The following RFX2 variants were observed in gnomAD, a reference collection of about 807,000 sequenced individuals.
RFX2 encodes the protein DNA-binding protein RFX2.
RFX2 carries 20 observed loss-of-function variants against 87.8 expected under a neutral mutation model. The observed-to-expected ratio is 0.23, with a 90% CI of 0.16 to 0.33. RFX2 has a LOEUF of 0.33. Ranked by LOEUF, RFX2 falls within the 10% of genes least tolerant of loss-of-function variation. RFX2 has a pLI of 1.00. For synonymous variants in RFX2, 397 were observed against 431.3 expected (o/e 0.92, Z 0.98); for missense variants, 767 against 1,012.3 (o/e 0.76, Z 3.29).
Position 6,012,922 on chromosome 19 carries a change from G to T in RFX2, c.899+64C>A. ...TATGATGAGTTTGTTTCGTGTTGGA[G>T]AAACACCCACCCCTCCATGCTCCAG... On this transcript the variant is annotated intron_variant, in intron 8 of 17. Transcript: ENST00000303657. The surrounding 1 kb of genome is among the most constrained non-coding windows in gnomAD (Gnocchi z 4.6). 7.2e-7 allele frequency: 1 copy of T among 1,389,596 alleles called. No homozygotes were observed. The highest frequency in any genetic ancestry group is 2.7e-5 in the East Asian group (1 of 37,570). 86.1% of individuals were successfully genotyped at this position (1,389,596 alleles called of 1,614,324 possible).
At position 6,061,091 on chromosome 19, in the gene RFX2, C is replaced by G. The variant is rs1431706394; in HGVS notation, c.-8-13587G>C. Among the ~76,000 whole-genome samples the G allele has an allele frequency of 6.6e-6, 1 of 152,174 alleles. No individual in the cohort carries two copies. The highest frequency in any genetic ancestry group is 1.5e-5 in the Non-Finnish European group (1 of 68,028). On this transcript the variant is annotated intron_variant, in intron 1 of 17. Coordinates refer to ENST00000303657, the MANE Select transcript of RFX2 (RefSeq NM_000635.4). This position sits in a 1 kb window ranked among gnomAD's most constrained non-coding sequence, Gnocchi z 5.2. ...GCCCCGGGACACGTGTCGCTGGTGACTCAGCCTGCTGTCTCCACCTGATAC... is the reference window on the plus strand; with the variant it reads ...GCCCCGGGACACGTGTCGCTGGTGAGTCAGCCTGCTGTCTCCACCTGATAC...
rs1483897437 is a variant in RFX2, at chr19:6,041,714, C to T, written c.260+330G>A. On this transcript the variant is annotated intron_variant, in intron 4 of 17. Coordinates refer to ENST00000303657, the MANE Select transcript of RFX2 (RefSeq NM_000635.4). ...TGATGTCCTAATCCCTCAGCTCCCA[C>T]CCCGCTCCTTTTTTTTTTGGACAGG... Among the ~76,000 whole-genome samples the T allele has an allele frequency of 4.0e-5, 6 of 151,722 alleles. No individual in the cohort carries two copies. In the South Asian group the frequency reaches 6.3e-4, roughly 16 times the overall value.
chr19:6,091,378 G>A (rs1599925889), intron 1 of RFX2, among the ~76,000 whole-genome samples: 2 of 151,702 alleles, frequency 1.3e-5, no homozygotes, highest in South Asian at 2.1e-4. Flanking sequence ...AGCCCAGAAG[G>A]TGGAGGCTGC....
At chr19:6,003,169 CTGT>C (rs1433651855) in intron 13 of RFX2, among the ~76,000 whole-genome samples, 2 of 152,150 alleles carry the variant, frequency 1.3e-5, no homozygotes, top group Admixed American at 6.5e-5. Context: ...TCTGGAGGGG[CTGT>C]TGAGACCACA....
intron 1 of RFX2, among the ~76,000 whole-genome samples, chr19:6,076,064 G>C (rs977525447): frequency 2.0e-5 from 3 of 152,196 alleles, no homozygotes; most frequent in Non-Finnish European, 4.4e-5. Context: ...GAGGTTGGGG[G>C]CGGTGGCTCA....
chr19:5,993,758 G>A lies in RFX2; in HGVS notation c.*1077C>T, dbSNP rs948187464. 6.6e-6 allele frequency: 1 copy of A among 151,700 alleles called. No homozygotes were observed. Among genetic ancestry groups the A allele is most frequent in the African/African-American group, 2.4e-5 (1 of 41,418 alleles). The allele number at this position is 151,700 out of a possible 1,614,324, so 9.4% of individuals were successfully genotyped here. A position where few individuals can be genotyped will look rare whatever the true frequency, so the allele number is the denominator to read the frequency against. ...CTTGGTGTCTCAAGTTCAGGGCTTC[G>A]AAAGTCCCGAATATTTGTTTGTCCC... On this transcript the variant is annotated 3_prime_UTR_variant, in exon 18 of 18. Transcript: ENST00000303657.
chr19:6,106,230 CCCATCCATCCATCCATCCAT>C lies in RFX2; in HGVS notation c.-9+4143_-9+4162del, dbSNP rs56665747. On this transcript the variant is annotated intron_variant, in intron 1 of 17. Coordinates refer to ENST00000303657, the MANE Select transcript of RFX2 (RefSeq NM_000635.4). ...TCCCAGTGTATATTCCATCGGCCTG[CCCATCCATCCATCCATCCAT>C]CCATCCATCCATCCATCCAACAAAA... 7.1e-3 allele frequency among the ~76,000 whole-genome samples: 1,072 copies of C among 150,068 alleles called. 18 individuals carry two copies. The highest frequency in any genetic ancestry group is 0.025 in the African/African-American group (1,006 of 40,386).
At position 6,012,892 on chromosome 19, in the gene RFX2, G is replaced by A; in HGVS notation, c.899+94C>T. 8.0e-7 allele frequency: 1 copy of A among 1,244,960 alleles called. No individual in the cohort carries two copies. Among genetic ancestry groups the A allele is most frequent in the Non-Finnish European group, 1.0e-6 (1 of 955,080 alleles). 77.1% of individuals were successfully genotyped at this position (1,244,960 alleles called of 1,614,324 possible). A position where few individuals can be genotyped will look rare whatever the true frequency, so the allele number is the denominator to read the frequency against. On this transcript the variant is annotated intron_variant, in intron 8 of 17. Coordinates refer to ENST00000303657, the MANE Select transcript of RFX2 (RefSeq NM_000635.4). This position sits in a 1 kb window ranked among gnomAD's most constrained non-coding sequence, Gnocchi z 4.6. ...GCTTTCCCAGGATGCTGGAGACTGGGGAGTTATGATGAGTTTGTTTCGTGT... is the reference window on the plus strand; with the variant it reads ...GCTTTCCCAGGATGCTGGAGACTGGAGAGTTATGATGAGTTTGTTTCGTGT...
chr19:6,104,660 G>C (rs1316759639), intron 1 of RFX2, among the ~76,000 whole-genome samples: 1 of 152,028 alleles, frequency 6.6e-6, no homozygotes, highest in Admixed American at 6.5e-5. Flanking sequence ...TCCTGCCCTA[G>C]CCTCCCAGGT....
At chr19:6,085,580 C>G (rs891670592) in intron 1 of RFX2, among the ~76,000 whole-genome samples, 1 of 152,164 alleles carries the variant, frequency 6.6e-6, no homozygotes, top group African/African-American at 2.4e-5. Flanking sequence ...TACTCTGTTG[C>G]TACTGTTCTT....
At chr19:6,054,658 C>T (rs2087309012) in intron 1 of RFX2, among the ~76,000 whole-genome samples, 1 of 151,978 alleles carries the variant, frequency 6.6e-6, no homozygotes. Flanking sequence ...GGTGATGGAT[C>T]AACAGAATAT....
At chr19:6,018,753 G>T (rs1240255518) in intron 6 of RFX2, among the ~76,000 whole-genome samples, 2 of 152,230 alleles carry the variant, frequency 1.3e-5, no homozygotes, top group Non-Finnish European at 2.9e-5. Flanking sequence ...GCCTCGAAGT[G>T]TGGGTCCAAC....
In RFX2 at chr19:6,063,092, C is replaced by T. The variant is rs1318708069; in HGVS notation, c.-8-15588G>A. 2.0e-5 allele frequency among the ~76,000 whole-genome samples: 3 copies of T among 152,176 alleles called. No individual in the cohort carries two copies. The highest frequency in any genetic ancestry group is 4.4e-5 in the Non-Finnish European group (3 of 68,022). On this transcript the variant is annotated intron_variant, in intron 1 of 17. Coordinates refer to ENST00000303657, the MANE Select transcript of RFX2 (RefSeq NM_000635.4). This position sits in a 1 kb window ranked among gnomAD's most constrained non-coding sequence, Gnocchi z 4.0. ...CTGTCCTGCCGCTCTCGCTCTTGCT[C>T]CTAGGCCGCCTTCTCCCTCATGCAT...
rs376969429 is a variant in RFX2, at chr19:5,999,423, C to T, written c.1860-2210G>A. Among the ~76,000 whole-genome samples, 7 of 152,126 alleles carry T rather than the reference C, an allele frequency of 4.6e-5. No homozygotes were observed. The highest frequency in any genetic ancestry group is 3.9e-4 in the East Asian group (2 of 5,164). ...CTCACTCTGCTCTTCTCAATTCTTC[C>T]GCTTGCAACCTTCCCTCTGTCCATG... On this transcript the variant is annotated intron_variant, in intron 15 of 17. Transcript: ENST00000303657. This position sits in a 1 kb window ranked among gnomAD's most constrained non-coding sequence, Gnocchi z 4.1.
rs994661753 is a variant in RFX2, at chr19:6,074,770, C to G, written c.-8-27266G>C. ...AGGCAGAGTGAGGTGAGGAAAGTGTCGCCGCTGAGAAGGCTCTGCCAGGGA... is the reference window on the plus strand; with the variant it reads ...AGGCAGAGTGAGGTGAGGAAAGTGTGGCCGCTGAGAAGGCTCTGCCAGGGA... On this transcript the variant is annotated intron_variant, in intron 1 of 17. Coordinates refer to ENST00000303657, the MANE Select transcript of RFX2 (RefSeq NM_000635.4). This position sits in a 1 kb window ranked among gnomAD's most constrained non-coding sequence, Gnocchi z 5.2. 6.6e-6 allele frequency among the ~76,000 whole-genome samples: 1 copy of G among 152,152 alleles called. No homozygotes were observed. The highest frequency in any genetic ancestry group is 2.4e-5 in the African/African-American group (1 of 41,430).
At position 6,047,378 on chromosome 19, in the gene RFX2, C is replaced by A. The variant is rs1387869971; in HGVS notation, c.90+29G>T. ...AGAGATCGCGTCCACACTGTGGCCACCCTGTTGTTGCTGAGAGGCGCGCGT... is the reference window on the plus strand; with the variant it reads ...AGAGATCGCGTCCACACTGTGGCCAACCTGTTGTTGCTGAGAGGCGCGCGT... On this transcript the variant is annotated intron_variant, in intron 2 of 17. Coordinates refer to ENST00000303657, the MANE Select transcript of RFX2 (RefSeq NM_000635.4). This position sits in a 1 kb window ranked among gnomAD's most constrained non-coding sequence, Gnocchi z 4.2. The A allele has an allele frequency of 6.3e-7, 1 of 1,578,612 alleles. No homozygotes were observed. Among genetic ancestry groups the A allele is most frequent in the Admixed American group, 1.8e-5 (1 of 55,634 alleles).
chr19:6,079,056 G>A (rs148737855), intron 1 of RFX2, among the ~76,000 whole-genome samples: 17 of 152,372 alleles, frequency 1.1e-4, no homozygotes, highest in African/African-American at 1.7e-4. Context: ...AATTATAGGC[G>A]TGAGCCACGG....
rs2087480346 is a variant in RFX2, at chr19:6,064,312, CCTT to C, written c.-8-16811_-8-16809del. ...CTAAGGCATCATGCTTTTGTGTTCT[CCTT>C]CTCTTACCAGCCTTTCTTTCCCTCT... On this transcript the variant is annotated intron_variant, in intron 1 of 17. Transcript: ENST00000303657. The surrounding 1 kb of genome is among the most constrained non-coding windows in gnomAD (Gnocchi z 4.8). 6.6e-6 allele frequency among the ~76,000 whole-genome samples: 1 copy of C among 152,198 alleles called. No individual in the cohort carries two copies.
chr19:6,098,003 T>C (rs2144898121), intron 1 of RFX2, among the ~76,000 whole-genome samples: 1 of 152,294 alleles, frequency 6.6e-6, no homozygotes, highest in East Asian at 1.9e-4. Flanking sequence ...AACGTAACAC[T>C]CTCTGCTGTT....
Sources: allele counts gnomAD v4.1 joint callset (sites outside exome capture counted in the v4.1 genomes callset), GRCh38; gene constraint gnomAD v4.1.1; non-coding constraint Gnocchi (gnomAD v3.1); transcripts MANE v1.5; gene names NCBI Gene and HGNC (gene_info 2026-07-23, HGNC 2026-07-21).